The following ABHD18 variants were observed in gnomAD, a reference collection of about 807,000 sequenced individuals.
ABHD18 encodes the protein abhydrolase domain containing 18.
ABHD18 carries 55 observed loss-of-function variants against 65.9 expected under a neutral mutation model. The ratio of observed to expected loss-of-function variants is 0.84; its 90% confidence interval spans 0.67 to 1.05. ABHD18 has a LOEUF of 1.05. ABHD18 is among the 50% of genes least tolerant of loss of function. The probability of loss-of-function intolerance (pLI) is 0.00; values close to 1 mark genes in which losing one functional copy is unlikely to be tolerated. For missense variants in ABHD18, 533 were observed against 558.5 expected (o/e 0.95, Z 0.46); for synonymous variants, 181 against 180.2 (o/e 1.00, Z -0.04).
At chr4:127,983,804 G>A (rs1749473476) in intron 2 of ABHD18, among the ~76,000 whole-genome samples, 1 of 152,178 alleles carries the variant, frequency 6.6e-6, no homozygotes, top group Admixed American at 6.6e-5. Flanking sequence ...GGTGGAGGTT[G>A]CAGTGAGCCG....
intron 4 of ABHD18, among the ~76,000 whole-genome samples, chr4:127,993,837 C>T (rs559658992): frequency 4.6e-5 from 7 of 150,898 alleles, no homozygotes; most frequent in African/African-American, 1.7e-4. Context: ...TCCTTATATA[C>T]ATCTCCTTAC....
intron 4 of ABHD18, among the ~76,000 whole-genome samples, chr4:127,999,443 A>G (rs1752308296): frequency 6.6e-6 from 1 of 152,226 alleles, no homozygotes; most frequent in Non-Finnish European, 1.5e-5. Context: ...CATATTAGCT[A>G]AAGCACTCAT....
chr4:128,015,177 C>T (rs971747040), intron 7 of ABHD18, among the ~76,000 whole-genome samples: 11 of 151,796 alleles, frequency 7.2e-5, no homozygotes, highest in Admixed American at 5.9e-4. Context: ...CCTGGCAAGT[C>T]GAGGCTGTTG....
chr4:127,974,198 T>TG (rs1747435286), intron 1 of ABHD18, among the ~76,000 whole-genome samples: 1 of 136,644 alleles, frequency 7.3e-6, no homozygotes, highest in African/African-American at 2.7e-5. Flanking sequence ...GTTTTTTTTT[T>TG]TTTTTTTTTT....
chr4:128,020,044 A>G, intron 8 of ABHD18, 36 bp from the exon 9 acceptor site: 1 of 1,375,608 alleles, frequency 7.3e-7, no homozygotes, highest in Non-Finnish European at 1.0e-6. Context: ...ATGAATAGAA[A>G]CTCTAAATAG....
At chr4:128,002,081 C>G (rs1449402606) in intron 4 of ABHD18, among the ~76,000 whole-genome samples, 2 of 151,920 alleles carry the variant, frequency 1.3e-5, no homozygotes. Flanking sequence ...TCGAGACCAG[C>G]CTGGCCAACA....
In ABHD18 at chr4:128,030,554, G is replaced by C. The variant is rs1758059235; in HGVS notation, c.1225G>C (p.Asp409His). The C allele has an allele frequency of 1.9e-6, 3 of 1,602,562 alleles. No individual in the cohort carries two copies. Among genetic ancestry groups the C allele is most frequent in the East Asian group, 2.2e-5 (1 of 44,516 alleles). ...CATTATAGTGGTTCAAGCCAAAGAAGATGCCTATATTCCACGAACAGGAGT... is the reference window on the plus strand; with the variant it reads ...CATTATAGTGGTTCAAGCCAAAGAACATGCCTATATTCCACGAACAGGAGT... Reference protein sequence around the residue: ...SLIIVVQAKEDAYIPRTGVRS... With the variant: ...SLIIVVQAKEHAYIPRTGVRS... The change falls in exon 12 of 13, where the codon GAT (aspartate) becomes CAT (histidine). Residue 409 changes from aspartate (D) to histidine (H), a missense_variant. By Grantham distance (81) the Asp-to-His change is moderately conservative. Around this residue, in one of 3 missense-constraint regions of ABHD18, gnomAD observed 220 missense variants for 226.8 expected, o/e 0.97. Coordinates refer to ENST00000645843, the MANE Select transcript of ABHD18 (RefSeq NM_001358451.3).
At chr4:127,997,884 T>G (rs1477476041) in intron 4 of ABHD18, among the ~76,000 whole-genome samples, 2 of 151,690 alleles carry the variant, frequency 1.3e-5, no homozygotes, top group African/African-American at 2.4e-5. Flanking sequence ...CCTCGTTTTT[T>G]TTTGTTTGTT....
At chr4:127,984,804 G>A (rs979472675) in intron 3 of ABHD18, among the ~76,000 whole-genome samples, 2 of 152,204 alleles carry the variant, frequency 1.3e-5, no homozygotes, top group African/African-American at 4.8e-5. Flanking sequence ...AGGTTGCAGT[G>A]AGCCAAGATC....
chr4:127,973,377 G>A (rs1747224336), intron 1 of ABHD18, among the ~76,000 whole-genome samples: 1 of 152,076 alleles, frequency 6.6e-6, no homozygotes, highest in Non-Finnish European at 1.5e-5. Context: ...TGTGGAGTTT[G>A]GGGGTTTTTT....
chr4:127,982,997 C>G lies in ABHD18; in HGVS notation c.42C>G (p.Leu14=). The G allele has an allele frequency of 6.4e-7, 1 of 1,565,786 alleles. No homozygotes were observed. Among genetic ancestry groups the G allele is most frequent in the African/African-American group, 1.4e-5 (1 of 73,928 alleles). Residue 14 remains leucine, a synonymous_variant, in exon 2 of 13, where the codon CTC becomes CTG. Transcript: ENST00000645843. ...TAGATATTCTATACCGGAGACTTCT[C>G]CTAACAAAACTTTTTATCAGAGGAT... is the stretch of plus-strand genomic sequence containing the variant. ...SKLDILYRRL[L]LTKLFIRGWG...
At chr4:127,973,523 C>T (rs1220252069) in intron 1 of ABHD18, among the ~76,000 whole-genome samples, 3 of 152,134 alleles carry the variant, frequency 2.0e-5, no homozygotes, top group South Asian at 4.1e-4. Flanking sequence ...TCTAAGGTGG[C>T]CCTCAAGATC....
chr4:128,023,484 G>C (rs778506313), intron 10 of ABHD18, among the ~76,000 whole-genome samples: 24 of 150,786 alleles, frequency 1.6e-4, no homozygotes, highest in Non-Finnish European at 3.2e-4. Flanking sequence ...AGGAGGCTGA[G>C]GTGGGCAGAT....
chr4:128,030,912 TC>T, intron 12 of ABHD18: 1 of 1,185,360 alleles, frequency 8.4e-7, no homozygotes, highest in Admixed American at 4.7e-5. Context: ...CGTGTGGCTT[TC>T]CCCTCTTCAA....
Position 128,026,301 on chromosome 4 carries a change from A to C in ABHD18, c.802-2174A>C, listed in dbSNP as rs1396604395. 6.7e-3 allele frequency among the ~76,000 whole-genome samples: 1,019 copies of C among 151,436 alleles called. 18 individuals are homozygous for C. The highest frequency in any genetic ancestry group is 0.023 in the African/African-American group (965 of 41,266). On this transcript the variant is annotated intron_variant, in intron 10 of 12. Coordinates refer to ENST00000645843, the MANE Select transcript of ABHD18 (RefSeq NM_001358451.3). ...GAGACTTCTTCTGAACAACAACAAAAAAAAAAAATTAGCCAGGCATGGTGG... is the reference window on the plus strand; with the variant it reads ...GAGACTTCTTCTGAACAACAACAAACAAAAAAAATTAGCCAGGCATGGTGG...
chr4:128,035,595 G>A (rs552538589), intron 12 of ABHD18, among the ~76,000 whole-genome samples, 167 bp from the exon 13 acceptor site: 1 of 152,122 alleles, frequency 6.6e-6, no homozygotes, highest in East Asian at 1.9e-4. Context: ...AAGTTACATG[G>A]ATTCAAACAC....
chr4:127,979,478 C>T (rs533523784), intron 1 of ABHD18, among the ~76,000 whole-genome samples: 4 of 152,204 alleles, frequency 2.6e-5, no homozygotes, highest in South Asian at 2.1e-4. Flanking sequence ...TCATTTGAAC[C>T]GGGGAGGCAG....
At chr4:128,007,180 G>A (rs905714294) in intron 4 of ABHD18, among the ~76,000 whole-genome samples, 6 of 151,678 alleles carry the variant, frequency 4.0e-5, no homozygotes, top group Non-Finnish European at 7.4e-5. Context: ...TTAGCCAGGC[G>A]TGATAGCACA....
rs370471176 is a variant in ABHD18, at chr4:127,983,032, C to G, written c.77C>G (p.Pro26Arg). The G allele has an allele frequency of 4.6e-5, 71 of 1,556,028 alleles. No individual in the cohort carries two copies. The highest frequency in any genetic ancestry group is 4.5e-5 in the Non-Finnish European group (52 of 1,149,084). Reference protein sequence around the residue: ...TKLFIRGWGRPEDLKRLFEFR... With the variant: ...TKLFIRGWGRREDLKRLFEFR... The stretch of plus-strand genomic sequence containing the variant: ...CTTTTTATCAGAGGATGGGGAAGGC[C>G]AGAAGATCTCAAAAGGCAAGCAATT... Residue 26 changes from proline to arginine, a missense_variant, in exon 2 of 13, where the codon CCA becomes CGA. By Grantham distance (103) the Pro-to-Arg change is moderately radical. Coordinates refer to ENST00000645843, the MANE Select transcript of ABHD18 (RefSeq NM_001358451.3).
Sources: allele counts gnomAD v4.1 joint callset (sites outside exome capture counted in the v4.1 genomes callset), GRCh38; gene constraint gnomAD v4.1.1; regional missense constraint gnomAD v4.1.1; transcripts MANE v1.5; gene names NCBI Gene and HGNC (gene_info 2026-07-23, HGNC 2026-07-21).